The following PCDHA8 variants were observed in gnomAD, a reference collection of about 807,000 sequenced individuals.
The protein encoded by PCDHA8 is protocadherin alpha 8.
In PCDHA8, 53 loss-of-function variants were observed where a neutral mutation model predicts 61.8. The ratio of observed to expected loss-of-function variants is 0.86; its 90% confidence interval spans 0.69 to 1.08. The LOEUF (loss-of-function observed/expected upper bound fraction) is 1.08. PCDHA8 is among the 50% of genes least tolerant of loss of function. PCDHA8 has a pLI of 0.00. For synonymous variants in PCDHA8, 618 were observed against 556.6 expected, an observed-to-expected ratio of 1.11 and a Z score of -1.55; for missense variants, 1,293 against 1,245.0, an observed-to-expected ratio of 1.04 and a Z score of -0.58.
At chr5:140,999,551 G>C (rs1189671768) in intron 3 of PCDHA8, among the ~76,000 whole-genome samples, 3 of 152,088 alleles carry the variant, frequency 2.0e-5, no homozygotes, top group East Asian at 1.9e-4. Context: ...CAATGAAGAG[G>C]GGGTATTTTG....
intron 1 of PCDHA8, among the ~76,000 whole-genome samples, chr5:140,888,270 GT>G (rs2061763105): frequency 6.6e-6 from 1 of 152,102 alleles, no homozygotes; most frequent in Non-Finnish European, 1.5e-5. Context: ...ATAAGAAACA[GT>G]TTTGTCCCCT....
chr5:140,906,252 C>A (rs1376694912), intron 1 of PCDHA8, among the ~76,000 whole-genome samples: 1 of 152,180 alleles, frequency 6.6e-6, no homozygotes, highest in African/African-American at 2.4e-5. Context: ...AACCCATACA[C>A]ACCTCCTGAA....
intron 1 of PCDHA8, chr5:140,869,464 G>C: frequency 6.2e-7 from 1 of 1,614,198 alleles, no homozygotes; most frequent in Non-Finnish European, 8.5e-7. Context: ...CCATGTGAAC[G>C]TGGAGGTGAA....
chr5:140,939,904 T>A (rs1554213033), intron 1 of PCDHA8, among the ~76,000 whole-genome samples: 3 of 152,228 alleles, frequency 2.0e-5, no homozygotes, highest in Non-Finnish European at 2.9e-5. Context: ...TTCTGCATTC[T>A]TTTTTATTCT....
chr5:140,980,724 T>G (rs2096903192), intron 2 of PCDHA8, among the ~76,000 whole-genome samples: 1 of 152,176 alleles, frequency 6.6e-6, no homozygotes, highest in Non-Finnish European at 1.5e-5. Flanking sequence ...GGGTTTCAAT[T>G]AAGATATTAT....
At chr5:140,983,542 C>A (rs1554245538) in intron 3 of PCDHA8, among the ~76,000 whole-genome samples, 1 of 152,152 alleles carries the variant, frequency 6.6e-6, no homozygotes, top group African/African-American at 2.4e-5. Flanking sequence ...TGTGTGGTCT[C>A]ATTTATTCCT....
At chr5:140,976,140 C>T (rs1276971902) in intron 1 of PCDHA8, among the ~76,000 whole-genome samples, 9 of 152,130 alleles carry the variant, frequency 5.9e-5, no homozygotes, top group African/African-American at 1.7e-4. Flanking sequence ...CTGGATGAAA[C>T]TCATGTACAT....
intron 1 of PCDHA8, chr5:140,883,108 AT>A (rs1261032162): frequency 6.2e-7 from 1 of 1,614,018 alleles, no homozygotes; most frequent in Non-Finnish European, 8.5e-7. Flanking sequence ...TAGTTTACTC[AT>A]TTAGAAGGCC....
At chr5:140,870,633 C>A in intron 1 of PCDHA8, 2 of 1,612,872 alleles carry the variant, frequency 1.2e-6, no homozygotes, top group Middle Eastern at 1.8e-4. Context: ...TGTCGGTGCA[C>A]GCGGAGAGCG....
chr5:140,899,102 G>A (rs1156372420), intron 1 of PCDHA8, among the ~76,000 whole-genome samples: 1 of 152,066 alleles, frequency 6.6e-6, no homozygotes, highest in Non-Finnish European at 1.5e-5. Flanking sequence ...TGAGATAATG[G>A]GGTTTTCTAG....
chr5:140,966,047 T>G (rs1463127286), intron 1 of PCDHA8, among the ~76,000 whole-genome samples: 1 of 152,214 alleles, frequency 6.6e-6, no homozygotes, highest in Admixed American at 6.5e-5. Flanking sequence ...CCATCGCCAG[T>G]AACCCCAGAG....
chr5:140,867,871 A>G (rs1450375674), intron 1 of PCDHA8: 1 of 152,152 alleles, frequency 6.6e-6, no homozygotes, highest in Non-Finnish European at 1.5e-5. Flanking sequence ...TTAATTTTCT[A>G]TGTTTTAAGC....
At chr5:140,881,798 A>G (rs2153381417) in intron 1 of PCDHA8, among the ~76,000 whole-genome samples, 1 of 152,372 alleles carries the variant, frequency 6.6e-6, no homozygotes, top group South Asian at 2.1e-4. Context: ...TTGTCCCAAA[A>G]CGAGTGTCGA....
chr5:140,884,346 T>G (rs1487079029), intron 1 of PCDHA8: 1 of 1,613,896 alleles, frequency 6.2e-7, no homozygotes, highest in Non-Finnish European at 8.5e-7. Flanking sequence ...GAAGCGGCGC[T>G]GGTGGATGTC....
chr5:140,928,007 ATGG>A (rs1183344805), intron 1 of PCDHA8: 2 of 1,613,998 alleles, frequency 1.2e-6, no homozygotes, highest in Non-Finnish European at 1.7e-6. Context: ...CTCGATTCTA[ATGG>A]TAGGGTCATT....
intron 1 of PCDHA8, chr5:140,884,245 G>A: frequency 6.2e-7 from 1 of 1,613,462 alleles, no homozygotes; most frequent in Non-Finnish European, 8.5e-7. Context: ...AGCCCGCGCT[G>A]ACGGCCACGG....
At chr5:140,992,236 G>A (rs1431521103) in intron 3 of PCDHA8, among the ~76,000 whole-genome samples, 1 of 152,168 alleles carries the variant, frequency 6.6e-6, no homozygotes, top group African/African-American at 2.4e-5. Context: ...GAAGAGTAAG[G>A]AAGGAAGTAG....
chr5:140,901,175 T>C (rs2068484045), intron 1 of PCDHA8, among the ~76,000 whole-genome samples: 1 of 152,162 alleles, frequency 6.6e-6, no homozygotes, highest in African/African-American at 2.4e-5. Context: ...CTTCACTTTG[T>C]TGATTGTTTG....
intron 1 of PCDHA8, chr5:140,851,050 G>T: frequency 7.2e-7 from 1 of 1,384,398 alleles, no homozygotes; most frequent in African/African-American, 1.5e-5. Context: ...AGCCGACTTT[G>T]TCTTGACTTC....
Sources: allele counts gnomAD v4.1 joint callset (sites outside exome capture counted in the v4.1 genomes callset), GRCh38; gene constraint gnomAD v4.1.1; transcripts MANE v1.5; gene names NCBI Gene and HGNC (gene_info 2026-07-23, HGNC 2026-07-21).